ASCC3: variants seen among roughly 807,000 people sequenced by gnomAD.
ASCC3 encodes ASC-1 complex subunit P200.
ASCC3 carries 158 observed loss-of-function variants against 256.3 expected under a neutral mutation model. The ratio of observed to expected loss-of-function variants is 0.62; its 90% CI spans 0.54 to 0.70. ASCC3 has a LOEUF of 0.70. Ranked by LOEUF, ASCC3 falls within the 30% of genes least tolerant of loss-of-function variation. The probability of loss-of-function intolerance (pLI) is 0.00; values close to 1 mark genes in which losing one functional copy is unlikely to be tolerated. For synonymous variants in ASCC3, 948 were observed against 883.4 expected, an observed-to-expected ratio of 1.07 and a Z score of -1.30; for missense variants, 2,259 against 2,626.0, an observed-to-expected ratio of 0.86 and a Z score of 3.05.
chr6:100,797,537 TTAA>T (rs143047021), intron 8 of ASCC3, among the ~76,000 whole-genome samples: 5,885 of 151,548 alleles, frequency 0.039, 142 homozygotes, highest in African/African-American at 0.056. Flanking sequence ...TTAATAAATC[TTAA>T]TGATGATATT....
Position 100,718,188 on chromosome 6 carries a change from C to T in ASCC3, c.1966G>A (p.Asp656Asn), listed in dbSNP as rs1178562524. ...GLSATLPNYL[D>N]VATFLHVNPY... Reference sequence around the variant, plus strand: ...TTAACATGTAAAAATGTGGCAACATCGAGGTAGTTAGGTAAAGTTGCAGAC... The same window carrying T: ...TTAACATGTAAAAATGTGGCAACATTGAGGTAGTTAGGTAAAGTTGCAGAC... The change falls in exon 12 of 42, where the codon GAT becomes AAT. Residue 656 changes from aspartate (D) to asparagine (N), a missense_variant. This residue lies in a region of ASCC3 where 1,839 missense variants were observed against 2,206.7 expected (regional missense o/e 0.83). Transcript: ENST00000369162. 9.3e-6 allele frequency: 15 copies of T among 1,613,322 alleles called. No homozygotes were observed. In the African/African-American group the frequency reaches 1.3e-4, roughly 14 times the overall value.
At chr6:100,540,125 G>C (rs1775377109) in intron 37 of ASCC3, 38 bp downstream of exon 37, 1 of 1,551,914 alleles carries the variant, frequency 6.4e-7, no homozygotes, top group African/African-American at 1.4e-5. Context: ...GGAATGATGG[G>C]AGAAAACACA....
chr6:100,766,465 A>G, intron 10 of ASCC3, 100 bp downstream of exon 10: 3 of 1,202,904 alleles, frequency 2.5e-6, no homozygotes. Context: ...TTATGTTTGT[A>G]TTATGTATTC....
intron 36 of ASCC3, among the ~76,000 whole-genome samples, chr6:100,561,114 G>T (rs1769922270): frequency 6.8e-6 from 1 of 147,010 alleles, no homozygotes; most frequent in South Asian, 2.2e-4. Context: ...GTAGATTTTT[G>T]TCTTCTCCAA....
intron 4 of ASCC3, among the ~76,000 whole-genome samples, chr6:100,825,151 G>A (rs527351867): frequency 6.6e-6 from 1 of 152,274 alleles, no homozygotes; most frequent in Non-Finnish European, 1.5e-5. Context: ...CCTGTTTATA[G>A]GATATGTTTT....
intron 8 of ASCC3, among the ~76,000 whole-genome samples, chr6:100,770,345 G>A (rs1008169241): frequency 6.6e-5 from 10 of 151,788 alleles, no homozygotes; most frequent in African/African-American, 2.2e-4. Flanking sequence ...CTACAAAAGC[G>A]TTACAGGTGT....
At chr6:100,531,569 AT>A (rs397936300) in intron 37 of ASCC3, among the ~76,000 whole-genome samples, 43 of 149,230 alleles carry the variant, frequency 2.9e-4, no homozygotes, top group East Asian at 2.4e-3. Context: ...TTTGGGGGGA[AT>A]TTTTTTTTTT....
chr6:100,847,409 C>T (rs976755006), intron 4 of ASCC3, among the ~76,000 whole-genome samples: 1 of 152,090 alleles, frequency 6.6e-6, no homozygotes, highest in Admixed American at 6.6e-5. Context: ...GATATAATAT[C>T]TTACTTCCAA....
intron 10 of ASCC3, among the ~76,000 whole-genome samples, chr6:100,734,298 A>C (rs910596576): frequency 6.6e-6 from 1 of 152,218 alleles, no homozygotes; most frequent in Non-Finnish European, 1.5e-5. Context: ...ATCTTCCTTA[A>C]ATATAACTAA....
chr6:100,520,682 T>C (rs1388096742), intron 37 of ASCC3, among the ~76,000 whole-genome samples: 2 of 152,204 alleles, frequency 1.3e-5, no homozygotes, highest in African/African-American at 4.8e-5. Flanking sequence ...TGTTTAAATA[T>C]GTATAGATAC....
chr6:100,723,890 A>ATT (rs1213190168), intron 11 of ASCC3, among the ~76,000 whole-genome samples: 2 of 132,342 alleles, frequency 1.5e-5, no homozygotes, highest in African/African-American at 2.8e-5. Flanking sequence ...ATATATATAT[A>ATT]TATATATTTA....
At chr6:100,880,029 G>C (rs1453432482) in intron 1 of ASCC3, among the ~76,000 whole-genome samples, 7 of 152,160 alleles carry the variant, frequency 4.6e-5, no homozygotes, top group African/African-American at 1.7e-4. Context: ...GCCTAGCCCA[G>C]CGTTTGACAC....
chr6:100,588,108 CA>C (rs1771799708), intron 36 of ASCC3, among the ~76,000 whole-genome samples: 1 of 152,040 alleles, frequency 6.6e-6, no homozygotes, highest in Non-Finnish European at 1.5e-5. Context: ...TGCTAGACTG[CA>C]AACCACTCAC....
chr6:100,869,907 T>TA (rs763911856), intron 1 of ASCC3, among the ~76,000 whole-genome samples: 2 of 151,700 alleles, frequency 1.3e-5, no homozygotes, highest in African/African-American at 2.4e-5. Context: ...AGGAAGGGAT[T>TA]AAAAAAAACC....
At chr6:100,542,667 C>T (rs1388607299) in intron 36 of ASCC3, among the ~76,000 whole-genome samples, 1 of 150,444 alleles carries the variant, frequency 6.6e-6, no homozygotes, top group Non-Finnish European at 1.5e-5. Flanking sequence ...GGAGACAGAG[C>T]AAGACTCCGT....
intron 14 of ASCC3, among the ~76,000 whole-genome samples, chr6:100,665,850 C>T (rs1422379529): frequency 1.3e-5 from 2 of 151,868 alleles, no homozygotes; most frequent in African/African-American, 4.8e-5. Flanking sequence ...AACTATTTTT[C>T]CACTTTTAGT....
intron 19 of ASCC3, 147 bp downstream of exon 19, chr6:100,651,413 A>T: frequency 2.8e-6 from 1 of 358,238 alleles, no homozygotes. Context: ...AATCTAGGAC[A>T]GTGGGTCTTA....
chr6:100,646,675 G>A lies in ASCC3; in HGVS notation c.3573C>T (p.Ile1191=), dbSNP rs763664603. 4 of 1,613,860 alleles carry A rather than the reference G, an allele frequency of 2.5e-6. No homozygotes were observed. The South Asian group carries it at 4.4e-5, about 18-fold the overall frequency. The part of the protein sequence containing the change: ...SVMMEASIQP[I]TRTVLRVTLS... Reference sequence around the variant, plus strand: ...GTGTCACTCGGAGGACAGTCCTTGTGATAGGCTGAATGGATGCTTCCATCA... The same window carrying A: ...GTGTCACTCGGAGGACAGTCCTTGTAATAGGCTGAATGGATGCTTCCATCA... Residue 1191 remains isoleucine, a synonymous_variant, in exon 22 of 42, where the codon ATC becomes ATT. Coordinates refer to ENST00000369162, the MANE Select transcript of ASCC3 (RefSeq NM_006828.4).
At chr6:100,726,250 C>A (rs2115040640) in intron 10 of ASCC3, among the ~76,000 whole-genome samples, 1 of 151,924 alleles carries the variant, frequency 6.6e-6, no homozygotes, top group African/African-American at 2.4e-5. Flanking sequence ...AACAAAAAGA[C>A]ACCATAATTC....
Sources: gnomAD v4.1 joint callset for allele counts (sites outside exome capture counted in the v4.1 genomes callset) on GRCh38, gnomAD v4.1.1 for gene constraint, gnomAD v4.1.1 regional missense constraint, MANE v1.5 for transcripts, NCBI Gene and HGNC (gene_info 2026-07-23, HGNC 2026-07-21) for gene names.